DGKB: variants seen among roughly 807,000 people sequenced by gnomAD.
DGKB encodes the protein 90 kDa diacylglycerol kinase.
Under a neutral mutation model 114.3 loss-of-function variants are expected in DGKB, and 67 were observed. That is an observed-to-expected ratio of 0.59 (90% CI 0.48 to 0.72). The LOEUF is 0.72. Among genes scored for constraint, DGKB ranks in the 30% least tolerant of loss-of-function variants. DGKB has a pLI of 0.00. For missense variants in DGKB, 907 were observed against 975.2 expected, an observed-to-expected ratio of 0.93 and a Z score of 0.93; for synonymous variants, 398 against 323.1, an observed-to-expected ratio of 1.23 and a Z score of -2.49.
At chr7:14,333,581 G>A (rs146755827) in intron 23 of DGKB, among the ~76,000 whole-genome samples, 3,717 of 151,834 alleles carry the variant, frequency 0.024, 68 homozygotes, top group Non-Finnish European at 0.038. Context: ...TGGTTTTGTG[G>A]TATTGGCAAT....
chr7:14,856,400 A>T (rs534650763), intron 1 of DGKB, among the ~76,000 whole-genome samples: 2 of 152,172 alleles, frequency 1.3e-5, no homozygotes, highest in African/African-American at 4.8e-5. Context: ...TTCACAGAAA[A>T]CTCACCTTTT....
At chr7:14,485,121 C>G (rs904203356) in intron 20 of DGKB, among the ~76,000 whole-genome samples, 17 of 149,910 alleles carry the variant, frequency 1.1e-4, no homozygotes, top group African/African-American at 4.0e-4. Context: ...CACACACACA[C>G]ACACACACAC....
At chr7:14,227,629 C>T (rs1344442351) in intron 23 of DGKB, among the ~76,000 whole-genome samples, 1 of 151,886 alleles carries the variant, frequency 6.6e-6, no homozygotes, top group Non-Finnish European at 1.5e-5. Context: ...GAGAAGGAGG[C>T]AGCAATCTTG....
intron 20 of DGKB, among the ~76,000 whole-genome samples, chr7:14,482,266 A>G (rs566820345): frequency 5.3e-5 from 8 of 152,030 alleles, no homozygotes; most frequent in Non-Finnish European, 1.0e-4. Context: ...TTACTGAAAA[A>G]TATTCATGAT....
intron 14 of DGKB, among the ~76,000 whole-genome samples, chr7:14,627,555 C>A (rs1285280072): frequency 6.6e-6 from 1 of 151,410 alleles, no homozygotes; most frequent in Non-Finnish European, 1.5e-5. Flanking sequence ...CATGGCAGCA[C>A]CATTATAAAA....
chr7:14,319,664 A>T (rs1013874567), intron 23 of DGKB, among the ~76,000 whole-genome samples: 2 of 152,186 alleles, frequency 1.3e-5, no homozygotes, highest in Non-Finnish European at 2.9e-5. Flanking sequence ...TGAGCAATAA[A>T]TGATATGTAG....
Position 14,833,427 on chromosome 7 carries a change from T to C in DGKB, c.70+7767A>G, listed in dbSNP as rs566582491. On this transcript the variant is annotated intron_variant, in intron 2 of 25. Transcript: ENST00000402815. ...GTTTTTATGTTTATGTTTGTGTTTTTATGAAGATTGATTTGTTAATAAATA... is the reference window on the plus strand; with the variant it reads ...GTTTTTATGTTTATGTTTGTGTTTTCATGAAGATTGATTTGTTAATAAATA... 1.6e-3 allele frequency among the ~76,000 whole-genome samples: 248 copies of C among 152,272 alleles called. 1 individual carries two copies. The highest frequency in any genetic ancestry group is 6.8e-3 in the Middle Eastern group (2 of 294).
intron 1 of DGKB, among the ~76,000 whole-genome samples, chr7:14,887,083 A>T (rs768645373): frequency 2.2e-3 from 340 of 152,020 alleles, no homozygotes; most frequent in Non-Finnish European, 3.5e-3. Flanking sequence ...TGTCATATTT[A>T]AAAGATTTCT....
intron 16 of DGKB, among the ~76,000 whole-genome samples, chr7:14,611,589 C>T (rs1045968087): frequency 2.0e-5 from 3 of 151,956 alleles, no homozygotes; most frequent in South Asian, 2.1e-4. Flanking sequence ...TTTGACTTCG[C>T]GTGGTCCCAG....
At chr7:14,940,931 A>G (rs2128254624) in intron 1 of DGKB, among the ~76,000 whole-genome samples, 1 of 152,192 alleles carries the variant, frequency 6.6e-6, no homozygotes, top group East Asian at 1.9e-4. Flanking sequence ...GATTTTTAAT[A>G]ATTTATTAGA....
At chr7:14,705,572 C>T (rs374517923) in intron 6 of DGKB, among the ~76,000 whole-genome samples, 2 of 149,770 alleles carry the variant, frequency 1.3e-5, no homozygotes, top group African/African-American at 2.4e-5. Flanking sequence ...AGAGAAAGGT[C>T]GGGTTCCCCT....
intron 2 of DGKB, among the ~76,000 whole-genome samples, chr7:14,799,914 CCTTTT>C (rs539659506): frequency 5.3e-5 from 8 of 151,874 alleles, no homozygotes; most frequent in African/African-American, 1.4e-4. Context: ...TAATTATTCT[CCTTTT>C]CTTTTCTTTT....
intron 14 of DGKB, among the ~76,000 whole-genome samples, chr7:14,628,030 TACTG>T (rs1300700093): frequency 3.3e-5 from 5 of 151,866 alleles, no homozygotes; most frequent in Non-Finnish European, 7.4e-5. Context: ...TTGTAAACCA[TACTG>T]ACTGTCATCC....
chr7:14,754,100 A>C (rs1353027932), intron 3 of DGKB, among the ~76,000 whole-genome samples, 152 bp from the exon 4 acceptor site: 1 of 152,136 alleles, frequency 6.6e-6, no homozygotes, highest in Non-Finnish European at 1.5e-5. Context: ...GGTGGTTCCG[A>C]AACAGTGGCA....
intron 2 of DGKB, among the ~76,000 whole-genome samples, chr7:14,808,547 C>T (rs1208747479): frequency 6.6e-6 from 1 of 152,040 alleles, no homozygotes; most frequent in East Asian, 1.9e-4. Context: ...GGACACTGAA[C>T]TTGAATCTGT....
At chr7:14,527,635 A>T (rs1790856145) in intron 20 of DGKB, among the ~76,000 whole-genome samples, 1 of 152,086 alleles carries the variant, frequency 6.6e-6, no homozygotes, top group South Asian at 2.1e-4. Flanking sequence ...GTAGGATAAG[A>T]TTATCCTGAA....
chr7:14,148,655 C>T lies in DGKB; in HGVS notation c.*476G>A, dbSNP rs1781744572. On this transcript the variant is annotated 3_prime_UTR_variant, in exon 26 of 26. Transcript: ENST00000402815. ...AAAATCTTCGAATTAAAAGTTTCTC[C>T]TCAAGTCATAGGTCACTGATACACT... 1.3e-5 allele frequency: 2 copies of T among 159,276 alleles called. No individual in the cohort carries two copies. The highest frequency in any genetic ancestry group is 4.8e-5 in the African/African-American group (2 of 41,458). The allele number at this position is 159,276 out of a possible 1,614,324, so 9.9% of individuals were successfully genotyped here.
At chr7:14,736,944 T>C (rs138070666) in intron 4 of DGKB, among the ~76,000 whole-genome samples, 103 of 152,260 alleles carry the variant, frequency 6.8e-4, no homozygotes, top group Non-Finnish European at 1.2e-3. Flanking sequence ...GAGCTTGGTT[T>C]CTCCTTGCAG....
chr7:14,199,548 G>A (rs1785522524), intron 23 of DGKB, among the ~76,000 whole-genome samples: 1 of 151,994 alleles, frequency 6.6e-6, no homozygotes, highest in African/African-American at 2.4e-5. Flanking sequence ...TGTGAACTTA[G>A]AAGCAGAAAT....
Sources: allele counts gnomAD v4.1 joint callset (sites outside exome capture counted in the v4.1 genomes callset), GRCh38; gene constraint gnomAD v4.1.1; transcripts MANE v1.5; gene names NCBI Gene and HGNC (gene_info 2026-07-23, HGNC 2026-07-21).